The following IPMK variants were observed in gnomAD, a reference collection of about 807,000 sequenced individuals.
IPMK encodes inositol 1,3,4,6-tetrakisphosphate 5-kinase.
IPMK carries 17 observed loss-of-function variants against 45.8 expected under a neutral mutation model. The ratio of observed to expected loss-of-function variants is 0.37; its 90% CI spans 0.25 to 0.56. The LOEUF is 0.56. Ranked by LOEUF, IPMK falls within the 20% of genes least tolerant of loss-of-function variation. The pLI, the probability that IPMK is intolerant of heterozygous loss-of-function variation, is 0.79. For missense variants in IPMK, 399 were observed against 498.0 expected (o/e 0.80, Z 1.89); for synonymous variants, 180 against 184.3 (o/e 0.98, Z 0.19).
At chr10:58,225,120 C>T (rs920632117) in intron 3 of IPMK, among the ~76,000 whole-genome samples, 1 of 151,990 alleles carries the variant, frequency 6.6e-6, no homozygotes, top group Non-Finnish European at 1.5e-5. Flanking sequence ...GTCCTTTTTT[C>T]CCTTCAGTTT....
intron 4 of IPMK, among the ~76,000 whole-genome samples, chr10:58,207,481 G>T (rs1318729512): frequency 6.6e-6 from 1 of 152,202 alleles, no homozygotes; most frequent in African/African-American, 2.4e-5. Flanking sequence ...TTTCCATAGT[G>T]GTTGTATTAG....
At chr10:58,227,236 C>G in intron 2 of IPMK, 97 bp from the exon 3 acceptor site, 1 of 880,798 alleles carries the variant, frequency 1.1e-6, no homozygotes, top group East Asian at 2.6e-5. Flanking sequence ...TATAATTCAT[C>G]TGGTATGGCT....
chr10:58,209,901 G>C (rs1838132459), intron 4 of IPMK, among the ~76,000 whole-genome samples: 2 of 152,216 alleles, frequency 1.3e-5, no homozygotes, highest in South Asian at 4.1e-4. Context: ...GCTTACAAGA[G>C]AGCACCACTT....
At chr10:58,244,723 T>C (rs1039332330) in intron 1 of IPMK, among the ~76,000 whole-genome samples, 8 of 152,212 alleles carry the variant, frequency 5.3e-5, no homozygotes, top group African/African-American at 1.9e-4. Context: ...CTTGGGATGC[T>C]GTTAATCTAT....
At chr10:58,220,797 A>C (rs1838320915) in intron 3 of IPMK, among the ~76,000 whole-genome samples, 2 of 152,226 alleles carry the variant, frequency 1.3e-5, no homozygotes, top group Admixed American at 6.5e-5. Context: ...CATTACACTT[A>C]GCATAATTGC....
intron 1 of IPMK, among the ~76,000 whole-genome samples, chr10:58,253,751 GA>G (rs374275379): frequency 1.8e-4 from 12 of 66,252 alleles, no homozygotes; most frequent in African/African-American, 6.4e-4. Context: ...AAAAAAAAAA[GA>G]AAAAAAAAGA....
intron 1 of IPMK, among the ~76,000 whole-genome samples, chr10:58,245,686 C>T (rs1838788871): frequency 6.6e-6 from 1 of 151,790 alleles, no homozygotes; most frequent in Non-Finnish European, 1.5e-5. Flanking sequence ...GACAAACCCA[C>T]AGCCAATATC....
intron 4 of IPMK, among the ~76,000 whole-genome samples, chr10:58,215,836 T>C (rs1286532147): frequency 6.6e-6 from 1 of 152,194 alleles, no homozygotes; most frequent in Non-Finnish European, 1.5e-5. Context: ...TAATATTTGC[T>C]TGCACCTAAA....
At chr10:58,246,852 T>A (rs1275573687) in intron 1 of IPMK, among the ~76,000 whole-genome samples, 1 of 151,376 alleles carries the variant, frequency 6.6e-6, no homozygotes, top group Non-Finnish European at 1.5e-5. Context: ...GACACTACCA[T>A]CAGAGTGAAC....
At position 58,230,786 on chromosome 10, in the gene IPMK, C is replaced by T. The variant is rs531127306; in HGVS notation, c.277-3647G>A. ...CCTCCTCTCCTCCAAAGGATCACAG[C>T]TCCTCCCCAGCAATGGAACAAAGCT... On this transcript the variant is annotated intron_variant, in intron 2 of 5. Coordinates refer to ENST00000373935, the MANE Select transcript of IPMK (RefSeq NM_152230.5). Among the ~76,000 whole-genome samples the T allele has an allele frequency of 1.4e-4, 22 of 152,314 alleles. No homozygotes were observed. The South Asian group carries it at 4.3e-3, about 30-fold the overall frequency.
At chr10:58,228,197 A>T (rs1371805826) in intron 2 of IPMK, among the ~76,000 whole-genome samples, 1 of 152,216 alleles carries the variant, frequency 6.6e-6, no homozygotes, top group Admixed American at 6.5e-5. Context: ...GCTGAGGATG[A>T]GCTAATTACA....
intron 1 of IPMK, among the ~76,000 whole-genome samples, chr10:58,247,527 T>A (rs1177016284): frequency 6.6e-6 from 1 of 151,606 alleles, no homozygotes; most frequent in African/African-American, 2.4e-5. Flanking sequence ...AAATTGGAAA[T>A]CATCATTCTC....
chr10:58,237,894 T>G, intron 1 of IPMK, 80 bp from the exon 2 acceptor site: 1 of 1,018,344 alleles, frequency 9.8e-7, no homozygotes, highest in Admixed American at 1.8e-5. Context: ...GTTCCTGAAG[T>G]GACAGGTAAA....
chr10:58,210,596 C>T (rs1327869265), intron 4 of IPMK, among the ~76,000 whole-genome samples: 1 of 152,192 alleles, frequency 6.6e-6, no homozygotes, highest in African/African-American at 2.4e-5. Flanking sequence ...GGGATTACTT[C>T]CCTGGGCTTG....
At chr10:58,230,399 T>C (rs1054887402) in intron 2 of IPMK, among the ~76,000 whole-genome samples, 1 of 152,174 alleles carries the variant, frequency 6.6e-6, no homozygotes, top group Non-Finnish European at 1.5e-5. Flanking sequence ...CAGCCCCCAG[T>C]AGGGGCCAAC....
chr10:58,266,214 C>T (rs1285696169), intron 1 of IPMK, among the ~76,000 whole-genome samples: 1 of 151,990 alleles, frequency 6.6e-6, no homozygotes, highest in Non-Finnish European at 1.5e-5. Context: ...TGAGAGAATA[C>T]AGATTCTCTC....
chr10:58,206,282 T>C (rs540059155), intron 4 of IPMK, among the ~76,000 whole-genome samples: 61 of 152,302 alleles, frequency 4.0e-4, no homozygotes, highest in African/African-American at 1.5e-3. Flanking sequence ...AGATTAGTGG[T>C]TCCCTAGGGA....
intron 4 of IPMK, among the ~76,000 whole-genome samples, chr10:58,208,389 G>T (rs550029043): frequency 6.6e-6 from 1 of 152,244 alleles, no homozygotes; most frequent in East Asian, 1.9e-4. Context: ...TCTTTTCGGG[G>T]TGTTATAGAG....
intron 3 of IPMK, among the ~76,000 whole-genome samples, chr10:58,221,996 G>A (rs945561013): frequency 3.9e-5 from 6 of 152,050 alleles, no homozygotes; most frequent in African/African-American, 9.7e-5. Context: ...TGATCCACCC[G>A]CCTCAGCCTC....
Sources: allele counts gnomAD v4.1 joint callset (sites outside exome capture counted in the v4.1 genomes callset), GRCh38; gene constraint gnomAD v4.1.1; transcripts MANE v1.5; gene names NCBI Gene and HGNC (gene_info 2026-07-23, HGNC 2026-07-21).